The following P3H4 variants were observed in gnomAD, a reference collection of about 807,000 sequenced individuals.
P3H4 encodes the protein endoplasmic reticulum protein SC65.
P3H4 carries 47 observed loss-of-function variants against 52.9 expected under a neutral mutation model. The ratio of observed to expected loss-of-function variants is 0.89; its 90% CI spans 0.70 to 1.13. The LOEUF (loss-of-function observed/expected upper bound fraction) is 1.13. Among genes scored for constraint, P3H4 ranks in the 50% most tolerant of loss-of-function variants. The pLI is 0.00. For missense variants in P3H4, 585 were observed against 611.0 expected (o/e 0.96, Z 0.45); for synonymous variants, 256 against 267.9 (o/e 0.96, Z 0.44).
rs782423631 is a variant in P3H4 at position 41,806,819 on chromosome 17, T to C, written c.1123A>G (p.Met375Val). The change falls in exon 6 of 8, where the codon ATG (methionine) becomes GTG (valine). Residue 375 changes from methionine to valine, a missense_variant. Met to Val is a conservative substitution (Grantham distance 21, BLOSUM62 1). Coordinates refer to ENST00000393928, the MANE Select transcript of P3H4 (RefSeq NM_006455.3). Reference sequence around the variant, plus strand: ...ACCTCATCATCTGACTGCAGGTACATGTGGGTGAACTCCAGCAGCTCCCGC... The same window carrying C: ...ACCTCATCATCTGACTGCAGGTACACGTGGGTGAACTCCAGCAGCTCCCGC... ...ELRELLEFTH[M>V]YLQSDDEMEL... The C allele has an allele frequency of 1.5e-5, 24 of 1,613,494 alleles. No homozygotes were observed. In the South Asian group the frequency reaches 2.1e-4, roughly 14 times the overall value.
At position 41,811,092 on chromosome 17, in the gene P3H4, A is replaced by G. The variant is rs2047727374; in HGVS notation, c.615+40T>C. The G allele has an allele frequency of 1.2e-6, 2 of 1,612,284 alleles. No individual in the cohort carries two copies. Among genetic ancestry groups the G allele is most frequent in the Admixed American group, 1.7e-5 (1 of 59,950 alleles). On this transcript the variant is annotated intron_variant, in intron 2 of 7. Coordinates refer to ENST00000393928, the MANE Select transcript of P3H4 (RefSeq NM_006455.3). The surrounding 1 kb of genome is among the most constrained non-coding windows in gnomAD (Gnocchi z 4.8). Reference sequence around the variant, plus strand: ...CCCCCAACATCTCCCCTCCTCTACTAGCCCTCCTCTACAAGCCTCCTCCTG... The same window carrying G: ...CCCCCAACATCTCCCCTCCTCTACTGGCCCTCCTCTACAAGCCTCCTCCTG...
intron 6 of P3H4, 57 bp from the exon 7 acceptor site, chr17:41,803,488 T>C (rs1362391162): frequency 6.6e-7 from 1 of 1,526,034 alleles, no homozygotes; most frequent in African/African-American, 1.4e-5. Context: ...CAAACCCATA[T>C]GGGCTCCCTT....
chr17:41,804,218 T>A (rs1412029517), intron 6 of P3H4, among the ~76,000 whole-genome samples: 1 of 151,942 alleles, frequency 6.6e-6, no homozygotes, highest in Non-Finnish European at 1.5e-5. Flanking sequence ...CCCAAAGTGC[T>A]GGGATTACAG....
intron 5 of P3H4, 29 bp from the exon 6 acceptor site, chr17:41,806,908 G>A (rs1555614277): frequency 1.9e-6 from 3 of 1,572,422 alleles, no homozygotes; most frequent in Non-Finnish European, 2.6e-6. Context: ...GGGGTGGGGG[G>A]TGAGCCATAC....
At chr17:41,809,654 T>C (rs2047708545) in intron 4 of P3H4, 52 bp downstream of exon 4, 1 of 1,591,276 alleles carries the variant, frequency 6.3e-7, no homozygotes, top group Admixed American at 1.7e-5. Context: ...CATACAGTCC[T>C]CTCCCTTATC....
At chr17:41,805,909 C>G (rs1555614117) in intron 6 of P3H4, among the ~76,000 whole-genome samples, 2 of 152,114 alleles carry the variant, frequency 1.3e-5, no homozygotes, top group Non-Finnish European at 2.9e-5. Flanking sequence ...TTAAGGCTGT[C>G]AAACCCTCAC....
Position 41,811,381 on chromosome 17 carries a change from C to T in P3H4, c.462+73G>A. 6.2e-7 allele frequency: 1 copy of T among 1,605,936 alleles called. No individual in the cohort carries two copies. Among genetic ancestry groups the T allele is most frequent in the South Asian group, 1.1e-5 (1 of 90,780 alleles). On this transcript the variant is annotated intron_variant, in intron 1 of 7. Coordinates refer to ENST00000393928, the MANE Select transcript of P3H4 (RefSeq NM_006455.3). The surrounding 1 kb of genome is among the most constrained non-coding windows in gnomAD (Gnocchi z 4.8). ...CTTCGTGCCTTGGGTGAAGATAACG[C>T]TCCTTCGACCGATCTGTGGGGAGCC...
At chr17:41,805,830 G>A (rs781846885) in intron 6 of P3H4, among the ~76,000 whole-genome samples, 12 of 152,220 alleles carry the variant, frequency 7.9e-5, no homozygotes, top group Admixed American at 2.6e-4. Context: ...TTGGATGGGT[G>A]GGGGCGTGGG....
rs145781561 is a variant in P3H4, at chr17:41,809,706, A to G, written c.916T>C (p.Leu306=). 1.5e-4 allele frequency: 249 copies of G among 1,612,850 alleles called. No homozygotes were observed. In the African/African-American group the frequency reaches 3.1e-3, roughly 20 times the overall value. ...AAGCCAGCCCACCCAGGGGGCTCACACTTATAGTAGGCAAACTGCAGGTAG... is the reference window on the plus strand; with the variant it reads ...AAGCCAGCCCACCCAGGGGGCTCACGCTTATAGTAGGCAAACTGCAGGTAG... The part of the protein sequence containing the change: ...YHYLQFAYYK[L]NDVRQAARSA... Residue 306 remains leucine (L), a splice_region_variant and synonymous_variant, in exon 4 of 8, where the codon TTG becomes CTG. Coordinates refer to ENST00000393928, the MANE Select transcript of P3H4 (RefSeq NM_006455.3).
At chr17:41,803,212 C>G in intron 7 of P3H4, 75 bp downstream of exon 7, 1 of 1,549,768 alleles carries the variant, frequency 6.5e-7, no homozygotes, top group East Asian at 2.3e-5. Context: ...CTCCGGAGCC[C>G]AGCGGGTGAA....
In P3H4 at chr17:41,808,132, A is replaced by C. The variant is rs140899507; in HGVS notation, c.917-128T>G. ...GAATACCTAATGGGCTCCTTATCCC[A>C]CCCAAGCATAATGCCAGCTAGCATG... On this transcript the variant is annotated intron_variant, in intron 4 of 7. Coordinates refer to ENST00000393928, the MANE Select transcript of P3H4 (RefSeq NM_006455.3). The C allele has an allele frequency of 4.0e-5, 48 of 1,200,544 alleles. No homozygotes were observed. In the East Asian group the frequency reaches 1.1e-3, roughly 26 times the overall value. 74.4% of individuals were successfully genotyped at this position (1,200,544 alleles called of 1,614,324 possible). A position where few individuals can be genotyped will look rare whatever the true frequency, so the allele number is the denominator to read the frequency against.
At chr17:41,805,395 C>T (rs1290608864) in intron 6 of P3H4, among the ~76,000 whole-genome samples, 39 of 151,882 alleles carry the variant, frequency 2.6e-4, no homozygotes, top group Admixed American at 2.3e-3. Flanking sequence ...GGCGCGATCT[C>T]GGCTCACTGC....
chr17:41,810,553 G>A, intron 3 of P3H4: 1 of 305,922 alleles, frequency 3.3e-6, no homozygotes, highest in Admixed American at 4.7e-5. Flanking sequence ...GTTATCAACT[G>A]CTTTCTGCAC....
At chr17:41,807,812 T>C in intron 5 of P3H4, 47 bp downstream of exon 5, 2 of 1,578,228 alleles carry the variant, frequency 1.3e-6, no homozygotes, top group Non-Finnish European at 1.7e-6. Flanking sequence ...GGAGTTCATT[T>C]TTTACAAAGT....
chr17:41,803,952 C>CTTTT (rs58414096), intron 6 of P3H4, among the ~76,000 whole-genome samples: 1 of 138,268 alleles, frequency 7.2e-6, no homozygotes, highest in African/African-American at 2.7e-5. Flanking sequence ...CCATGACTTC[C>CTTTT]TTTTTTTTTT....
rs2047633299 is a variant in P3H4, at chr17:41,802,948, G to A, written c.*9C>T. 1 of 1,611,806 alleles carries A rather than the reference G, an allele frequency of 6.2e-7. No individual in the cohort carries two copies. Among genetic ancestry groups the A allele is most frequent in the Non-Finnish European group, 8.5e-7 (1 of 1,179,244 alleles). On this transcript the variant is annotated 3_prime_UTR_variant, in exon 8 of 8. Coordinates refer to ENST00000393928, the MANE Select transcript of P3H4 (RefSeq NM_006455.3). The stretch of plus-strand genomic sequence containing the variant: ...TTCCCAAGCTTGAGCGGTGTGGGGT[G>A]TCCCCTTCTCATGCGAGTTCAGGCT...
At chr17:41,810,570 G>A (rs2047719144) in intron 3 of P3H4, 3 of 380,114 alleles carry the variant, frequency 7.9e-6, no homozygotes, top group Non-Finnish European at 1.4e-5. Flanking sequence ...GCACACATCT[G>A]CTGGGTTACT....
chr17:41,810,710 G>A (rs1555614860), intron 3 of P3H4, 153 bp downstream of exon 3: 1 of 940,260 alleles, frequency 1.1e-6, no homozygotes, highest in Non-Finnish European at 1.5e-6. Context: ...TCCCAGCTGG[G>A]GCCCCTGCAC....
Position 41,811,931 on chromosome 17 carries a change from G to T in P3H4, c.-16C>A. The T allele has an allele frequency of 6.7e-7, 1 of 1,494,798 alleles. No homozygotes were observed. The highest frequency in any genetic ancestry group is 8.8e-7 in the Non-Finnish European group (1 of 1,130,600). 92.6% of individuals were successfully genotyped at this position (1,494,798 alleles called of 1,614,324 possible). A position where few individuals can be genotyped will look rare whatever the true frequency, so the allele number is the denominator to read the frequency against. The stretch of plus-strand genomic sequence containing the variant: ...CCCGAGCCATGCCCGCCGCGCCGCC[G>T]GCTCTCCGGAGCTGAGCTGGCTGCC... On this transcript the variant is annotated 5_prime_UTR_variant, in exon 1 of 8. Transcript: ENST00000393928. The surrounding 1 kb of genome is among the most constrained non-coding windows in gnomAD (Gnocchi z 4.8).
Sources: allele counts gnomAD v4.1 joint callset (sites outside exome capture counted in the v4.1 genomes callset), GRCh38; gene constraint gnomAD v4.1.1; non-coding constraint Gnocchi (gnomAD v3.1); transcripts MANE v1.5; gene names NCBI Gene and HGNC (gene_info 2026-07-23, HGNC 2026-07-21).